OPCML: variants seen among roughly 807,000 people sequenced by gnomAD.
OPCML encodes the protein opioid binding protein/cell adhesion molecule like, also known as opioid-binding protein/cell adhesion molecule.
Under a neutral mutation model 37.8 loss-of-function variants are expected in OPCML, and 13 were observed. The observed-to-expected ratio is 0.34, with a 90% CI of 0.22 to 0.55. The LOEUF (loss-of-function observed/expected upper bound fraction) is 0.55. Ranked by LOEUF, OPCML falls within the 20% of genes least tolerant of loss-of-function variation. The pLI is 0.91. For synonymous variants in OPCML, 176 were observed against 168.8 expected, an observed-to-expected ratio of 1.04 and a Z score of -0.33; for missense variants, 341 against 435.6, an observed-to-expected ratio of 0.78 and a Z score of 1.93.
chr11:133,492,286 T>A (rs1565664914), intron 1 of OPCML, among the ~76,000 whole-genome samples: 1 of 152,202 alleles, frequency 6.6e-6, no homozygotes, highest in Non-Finnish European at 1.5e-5. Context: ...AGGATCCATT[T>A]CACAAACATG....
intron 1 of OPCML, among the ~76,000 whole-genome samples, chr11:133,166,142 T>C (rs1189559594): frequency 6.6e-6 from 1 of 152,172 alleles, no homozygotes; most frequent in Non-Finnish European, 1.5e-5. Context: ...GTAACTAAGC[T>C]TGCTTTGGGG....
chr11:133,477,565 T>C (rs891503425), intron 1 of OPCML, among the ~76,000 whole-genome samples: 6 of 152,206 alleles, frequency 3.9e-5, no homozygotes, highest in Non-Finnish European at 7.3e-5. Flanking sequence ...CGGGTTTTTT[T>C]TCTTTTAGAG....
At chr11:132,540,260 T>C (rs1457609875) in intron 3 of OPCML, among the ~76,000 whole-genome samples, 1 of 152,186 alleles carries the variant, frequency 6.6e-6, no homozygotes, top group African/African-American at 2.4e-5. Flanking sequence ...TTGTTTTCTA[T>C]GTCTCTCTCA....
chr11:133,509,046 T>A (rs1199968643), intron 1 of OPCML, among the ~76,000 whole-genome samples: 1 of 152,148 alleles, frequency 6.6e-6, no homozygotes, highest in Non-Finnish European at 1.5e-5. Context: ...GCTGAAGCAC[T>A]GTATTAATCT....
At chr11:133,360,063 C>T (rs1393258512) in intron 1 of OPCML, 12 of 152,158 alleles carry the variant, frequency 7.9e-5, no homozygotes, top group African/African-American at 2.9e-4. Flanking sequence ...GAAATGAGAA[C>T]TAAAGTTTAT....
At chr11:133,062,307 C>T (rs985847695) in intron 1 of OPCML, among the ~76,000 whole-genome samples, 4 of 152,152 alleles carry the variant, frequency 2.6e-5, no homozygotes, top group Non-Finnish European at 4.4e-5. Context: ...TCCATGAATC[C>T]CCGCTGCACT....
intron 2 of OPCML, among the ~76,000 whole-genome samples, chr11:132,703,402 A>G (rs141747949): frequency 3.3e-5 from 5 of 152,348 alleles, no homozygotes; most frequent in Non-Finnish European, 7.3e-5. Context: ...GTTGCTGTCC[A>G]GTGTATGACT....
intron 1 of OPCML, among the ~76,000 whole-genome samples, chr11:133,474,138 C>G (rs954995890): frequency 6.6e-6 from 1 of 152,146 alleles, no homozygotes; most frequent in Admixed American, 6.5e-5. Flanking sequence ...GTCTTGTTAT[C>G]ATACATAGTT....
At chr11:133,370,693 T>C (rs1944656091) in intron 1 of OPCML, among the ~76,000 whole-genome samples, 1 of 152,070 alleles carries the variant, frequency 6.6e-6, no homozygotes, top group South Asian at 2.1e-4. Flanking sequence ...ATAACATAAG[T>C]ATTAAGACCC....
intron 3 of OPCML, among the ~76,000 whole-genome samples, chr11:132,533,991 ATCT>A (rs550048473): frequency 3.4e-4 from 52 of 152,296 alleles, no homozygotes; most frequent in African/African-American, 1.2e-3. Context: ...ATGCAGTAAC[ATCT>A]TCTTTATCCC....
chr11:132,964,092 C>T (rs1177736227), intron 1 of OPCML, among the ~76,000 whole-genome samples: 17 of 152,086 alleles, frequency 1.1e-4, no homozygotes, highest in Admixed American at 1.1e-3. Flanking sequence ...GCAAGACACA[C>T]CTAATGGTGC....
At chr11:132,511,622 A>G (rs181539987) in intron 4 of OPCML, among the ~76,000 whole-genome samples, 12 of 150,822 alleles carry the variant, frequency 8.0e-5, no homozygotes, top group Admixed American at 7.3e-4. Flanking sequence ...TTGATTTTCA[A>G]CAAAGAAACT....
chr11:133,270,997 G>A (rs1941811942), intron 1 of OPCML, among the ~76,000 whole-genome samples: 1 of 152,156 alleles, frequency 6.6e-6, no homozygotes, highest in African/African-American at 2.4e-5. Context: ...GCTCCTTGAA[G>A]TAAATGCACC....
At chr11:132,937,595 G>GGTGTGTGTGT (rs58674976) in intron 2 of OPCML, among the ~76,000 whole-genome samples, 3 of 88,734 alleles carry the variant, frequency 3.4e-5, no homozygotes, top group African/African-American at 1.1e-4. Context: ...GCGTGTGTGG[G>GGTGTGTGTGT]GTGTGTGTGT....
rs184052045 is a variant in OPCML at position 132,583,856 on chromosome 11, C to T, written c.380-54670G>A. ...CTCAAACTCCTGACCTCAGGTGATCCGCTCACCTCGGCCTCCCAAAGTGCT... is the reference window on the plus strand; with the variant it reads ...CTCAAACTCCTGACCTCAGGTGATCTGCTCACCTCGGCCTCCCAAAGTGCT... On this transcript the variant is annotated intron_variant, in intron 3 of 7. Transcript: ENST00000524381. 2.2e-3 allele frequency among the ~76,000 whole-genome samples: 334 copies of T among 152,074 alleles called. 4 individuals carry two copies. The Middle Eastern group carries it at 0.027, about 12-fold the overall frequency.
At chr11:132,497,895 A>T (rs939646364) in intron 4 of OPCML, among the ~76,000 whole-genome samples, 36 of 152,294 alleles carry the variant, frequency 2.4e-4, no homozygotes, top group African/African-American at 8.4e-4. Context: ...AAATTTTTTT[A>T]AAAAACACTG....
intron 1 of OPCML, among the ~76,000 whole-genome samples, chr11:133,146,489 A>G (rs966562159): frequency 1.3e-5 from 2 of 151,442 alleles, no homozygotes; most frequent in African/African-American, 4.8e-5. Flanking sequence ...TAATTTTTGT[A>G]CTTTTAGTAG....
chr11:133,118,139 C>T, intron 1 of OPCML: 2 of 803,134 alleles, frequency 2.5e-6, no homozygotes, highest in Middle Eastern at 6.3e-4. Flanking sequence ...TTCTGGACTG[C>T]AGGAACTACT....
intron 4 of OPCML, among the ~76,000 whole-genome samples, chr11:132,489,270 G>A (rs974716498): frequency 3.9e-5 from 6 of 152,010 alleles, no homozygotes; most frequent in Admixed American, 1.3e-4. Flanking sequence ...GGTCTTCAGG[G>A]GCAGTAACAC....
Sources: gnomAD v4.1 joint callset for allele counts (sites outside exome capture counted in the v4.1 genomes callset) on GRCh38, gnomAD v4.1.1 for gene constraint, MANE v1.5 for transcripts, NCBI Gene and HGNC (gene_info 2026-07-23, HGNC 2026-07-21) for gene names.